Variants in PNMA8B observed in about 807,000 individuals in gnomAD.
PNMA8B encodes the protein PNMA family member 8B, also known as paraneoplastic antigen-like protein 8B.
For synonymous variants in PNMA8B, 386 were observed against 394.9 expected, an observed-to-expected ratio of 0.98 and a Z score of 0.27; for missense variants, 887 against 885.8, an observed-to-expected ratio of 1.00 and a Z score of -0.02.
Position 46,495,456 on chromosome 19 carries a change from T to C in PNMA8B, c.10A>G (p.Ser4Gly). The change falls in exon 1 of 1, where the codon AGC (serine) becomes GGC (glycine). Residue 4 changes from serine to glycine, a missense_variant. Ser to Gly is a moderately conservative substitution (Grantham distance 56). Transcript: ENST00000599531. ...CTCCGGCACCAGTCCTGCAAAAGGCTCATGGCCATGGTGCAGCCCCCTTGG... is the reference window on the plus strand; with the variant it reads ...CTCCGGCACCAGTCCTGCAAAAGGCCCATGGCCATGGTGCAGCCCCCTTGG... The part of the protein sequence containing the change: MAM[S>G]LLQDWCRSLD... The C allele has an allele frequency of 1.9e-6, 3 of 1,600,280 alleles. No homozygotes were observed. Among genetic ancestry groups the C allele is most frequent in the Non-Finnish European group, 2.6e-6 (3 of 1,169,620 alleles).
In PNMA8B at chr19:46,493,347, C is replaced by T. The variant is rs1474480969; in HGVS notation, c.*211G>A. Reference sequence around the variant, plus strand: ...GCCCACTTCTCTTTCCTCCTCCCATCCGGGCTTCCTCCGTCGGGATCGCTG... The same window carrying T: ...GCCCACTTCTCTTTCCTCCTCCCATTCGGGCTTCCTCCGTCGGGATCGCTG... On this transcript the variant is annotated 3_prime_UTR_variant, in exon 1 of 1. Coordinates refer to ENST00000599531, the MANE Select transcript of PNMA8B (RefSeq NM_020709.3). This position sits in a 1 kb window ranked among gnomAD's most constrained non-coding sequence, Gnocchi z 5.3. The T allele has an allele frequency of 6.7e-5, 27 of 401,626 alleles. No individual in the cohort carries two copies. In the East Asian group the frequency reaches 9.7e-4, roughly 14 times the overall value. The allele number at this position is 401,626 out of a possible 1,614,324, so 24.9% of individuals were successfully genotyped here. A position where few individuals can be genotyped will look rare whatever the true frequency, so the allele number is the denominator to read the frequency against.
chr19:46,493,412 G>T lies in PNMA8B; in HGVS notation c.*146C>A. The T allele has an allele frequency of 2.0e-6, 1 of 491,144 alleles. No homozygotes were observed. Among genetic ancestry groups the T allele is most frequent in the Non-Finnish European group, 3.2e-6 (1 of 309,760 alleles). 30.4% of individuals were successfully genotyped at this position (491,144 alleles called of 1,614,324 possible). Reference sequence around the variant, plus strand: ...CGAGGGCCCGAGAGGGGAACGTGACGCTGGCAAAACGCGGCCCGGGCGCGC... The same window carrying T: ...CGAGGGCCCGAGAGGGGAACGTGACTCTGGCAAAACGCGGCCCGGGCGCGC... On this transcript the variant is annotated 3_prime_UTR_variant, in exon 1 of 1. Transcript: ENST00000599531. The surrounding 1 kb of genome is among the most constrained non-coding windows in gnomAD (Gnocchi z 5.3).
Position 46,493,617 on chromosome 19 carries a change from T to C in PNMA8B, c.1849A>G (p.Lys617Glu), listed in dbSNP as rs1435128026. Residue 617 changes from lysine to glutamate, a missense_variant, in exon 1 of 1, where the codon AAG (lysine) becomes GAG (glutamate). By Grantham distance (56) the Lys-to-Glu change is moderately conservative (BLOSUM62 1). Transcript: ENST00000599531. The surrounding 1 kb of genome is among the most constrained non-coding windows in gnomAD (Gnocchi z 5.3). ...EAKGQAPTGS[K>E]AARGKKARRG... is the part of the protein sequence containing the mutation. ...CGGGCCTTCTTCCCGCGCGCGGCCT[T>C]GGATCCAGTGGGCGCCTGGCCCTTG... 10 of 1,518,688 alleles carry C rather than the reference T, an allele frequency of 6.6e-6. No individual in the cohort carries two copies. Among genetic ancestry groups the C allele is most frequent in the Non-Finnish European group, 8.7e-6 (10 of 1,145,220 alleles). 94.1% of individuals were successfully genotyped at this position (1,518,688 alleles called of 1,614,324 possible).
chr19:46,493,756 G>A lies in PNMA8B; in HGVS notation c.1710C>T (p.Gly570=). Residue 570 remains glycine, a synonymous_variant, in exon 1 of 1, where the codon GGC becomes GGT. Transcript: ENST00000599531. The surrounding 1 kb of genome is among the most constrained non-coding windows in gnomAD (Gnocchi z 5.3). ...TCCCGGCTTTCTTCTCGGGAGTGAC[G>A]CCCCGGCCTCGGCCTCGGCCGCCCG... ...TRAGGRGRGR[G]VTPEKKAGSR... The A allele has an allele frequency of 1.4e-6, 2 of 1,435,868 alleles. No individual in the cohort carries two copies. The highest frequency in any genetic ancestry group is 2.8e-5 in the South Asian group (2 of 70,668). 88.9% of individuals were successfully genotyped at this position (1,435,868 alleles called of 1,614,324 possible).
rs1186891072 is a variant in PNMA8B, at chr19:46,492,391, G to C, written c.*1167C>G. ...ACTCACATACAACTCAAGCGTGCTT[G>C]GGACAGCAGGTTGTGAAGCCTCACA... On this transcript the variant is annotated 3_prime_UTR_variant, in exon 1 of 1. Transcript: ENST00000599531. 5.0e-6 allele frequency: 1 copy of C among 201,860 alleles called. No individual in the cohort carries two copies. Among genetic ancestry groups the C allele is most frequent in the African/African-American group, 2.4e-5 (1 of 42,474 alleles). The allele number at this position is 201,860 out of a possible 1,614,324, so 12.5% of individuals were successfully genotyped here. A position where few individuals can be genotyped will look rare whatever the true frequency, so the allele number is the denominator to read the frequency against.
rs1471176076 is a variant in PNMA8B at position 46,495,299 on chromosome 19, G to A, written c.167C>T (p.Ala56Val). 7.1e-7 allele frequency: 1 copy of A among 1,409,926 alleles called. No homozygotes were observed. The highest frequency in any genetic ancestry group is 1.1e-5 in the South Asian group (1 of 87,178). 87.3% of individuals were successfully genotyped at this position (1,409,926 alleles called of 1,614,324 possible). ...GGCCTGGGCCTTCTCGTTCATCAAA[G>A]CCTTCATGTGTCGCAACCTGAACGT... is the stretch of plus-strand genomic sequence containing the variant. ...LGTFRLRHMK[A>V]LMNEKAQAAL... The change falls in exon 1 of 1, where the codon GCT (alanine) becomes GTT (valine). Residue 56 changes from alanine (A) to valine (V), a missense_variant. Coordinates refer to ENST00000599531, the MANE Select transcript of PNMA8B (RefSeq NM_020709.3).
rs1357507713 is a variant in PNMA8B at position 46,495,093 on chromosome 19, C to A, written c.373G>T (p.Gly125Trp). The change falls in exon 1 of 1, where the codon GGG (glycine) becomes TGG (tryptophan). Residue 125 changes from glycine to tryptophan, a missense_variant. By Grantham distance (184) the Gly-to-Trp change is radical (BLOSUM62 -2). Transcript: ENST00000599531. The part of the protein sequence containing the change: ...PTQAAEAGTP[G>W]EAPTPPASET... ...GAAGCGGGAGGGGTGGGTGCCTCCC[C>A]GGGGGTCCCAGCCTCCGCGGCCTGC... 1.2e-6 allele frequency: 2 copies of A among 1,612,958 alleles called. No individual in the cohort carries two copies. The highest frequency in any genetic ancestry group is 8.5e-7 in the Non-Finnish European group (1 of 1,179,802).
rs532823001 is a variant in PNMA8B at position 46,494,910 on chromosome 19, G to T, written c.556C>A (p.Pro186Thr). 4 of 1,611,646 alleles carry T rather than the reference G, an allele frequency of 2.5e-6. No individual in the cohort carries two copies. The Admixed American group carries it at 5.0e-5, about 20-fold the overall frequency. ...GCCTCACTCCTCGCGGGAGCAGACG[G>T]CCGTCCTCCTCGGCTTCTCTTCTTG... Reference protein sequence around the residue: ...KGKKRSRGGRPSAPARSEAED... With the variant: ...KGKKRSRGGRTSAPARSEAED... The change falls in exon 1 of 1, where the codon CCG becomes ACG. Residue 186 changes from proline to threonine, a missense_variant. Physicochemically the swap from Pro to Thr is conservative, Grantham distance 38. Coordinates refer to ENST00000599531, the MANE Select transcript of PNMA8B (RefSeq NM_020709.3).
At position 46,494,156 on chromosome 19, in the gene PNMA8B, C is replaced by T. The variant is rs1258100108; in HGVS notation, c.1310G>A (p.Gly437Asp). 1 of 1,610,678 alleles carries T rather than the reference C, an allele frequency of 6.2e-7. No homozygotes were observed. Among genetic ancestry groups the T allele is most frequent in the Non-Finnish European group, 8.5e-7 (1 of 1,179,866 alleles). ...TTCGTCCTCACGGTGCTCGCTCCAG[C>T]CCCCGAAGAGGCCACGCCCAGCCTT... ...AKKAGRGLFG[G>D]WSEHREDEGG... Residue 437 changes from glycine (G) to aspartate (D), a missense_variant, in exon 1 of 1, where the codon GGC (glycine) becomes GAC (aspartate). Transcript: ENST00000599531.
chr19:46,493,606 G>T lies in PNMA8B; in HGVS notation c.1860C>A (p.Arg620=). Reference sequence around the variant, plus strand: ...TCCGGCCCCGACGGGCCTTCTTCCCGCGCGCGGCCTTGGATCCAGTGGGCG... The same window carrying T: ...TCCGGCCCCGACGGGCCTTCTTCCCTCGCGCGGCCTTGGATCCAGTGGGCG... ...GQAPTGSKAA[R]GKKARRGRRL... The change falls in exon 1 of 1, where the codon CGC becomes CGA. Residue 620 remains arginine, a synonymous_variant. Coordinates refer to ENST00000599531, the MANE Select transcript of PNMA8B (RefSeq NM_020709.3). The surrounding 1 kb of genome is among the most constrained non-coding windows in gnomAD (Gnocchi z 5.3). 2 of 1,492,594 alleles carry T rather than the reference G, an allele frequency of 1.3e-6. No individual in the cohort carries two copies. The highest frequency in any genetic ancestry group is 2.3e-5 in the Admixed American group (1 of 43,010). The allele number at this position is 1,492,594 out of a possible 1,614,324, so 92.5% of individuals were successfully genotyped here.
At position 46,493,781 on chromosome 19, in the gene PNMA8B, G is replaced by A. The variant is rs748793703; in HGVS notation, c.1685C>T (p.Ala562Val). The A allele has an allele frequency of 2.8e-6, 3 of 1,055,104 alleles. No individual in the cohort carries two copies. Among genetic ancestry groups the A allele is most frequent in the South Asian group, 1.9e-5 (1 of 51,704 alleles). The allele number at this position is 1,055,104 out of a possible 1,614,324, so 65.4% of individuals were successfully genotyped here. Residue 562 changes from alanine to valine, a missense_variant, in exon 1 of 1, where the codon GCG becomes GTG. Ala to Val is a moderately conservative substitution (Grantham distance 64). Transcript: ENST00000599531. The surrounding 1 kb of genome is among the most constrained non-coding windows in gnomAD (Gnocchi z 5.3). ...GCCCCGGCCTCGGCCTCGGCCGCCC[G>A]CGCGGGTTTTGCGGGCCCCGGAAGC... ...PTASGARKTR[A>V]GGRGRGRGVT... is the part of the protein sequence containing the mutation.
Position 46,494,234 on chromosome 19 carries a change from AGGTCCC to A in PNMA8B, c.1226_1231del (p.Gly409_Leu411delinsVal). ...CGCCAAGGTGGAAATGCACTCCCGG[AGGTCCC>A]CGTCATCCCCGGCCTTGCGCAGGAC... On this transcript the variant is annotated inframe_deletion, in exon 1 of 1. Coordinates refer to ENST00000599531, the MANE Select transcript of PNMA8B (RefSeq NM_020709.3). 1 of 1,609,338 alleles carries A rather than the reference AGGTCCC, an allele frequency of 6.2e-7. No individual in the cohort carries two copies. Among genetic ancestry groups the A allele is most frequent in the Non-Finnish European group, 8.5e-7 (1 of 1,179,682 alleles).
chr19:46,494,204 G>A lies in PNMA8B; in HGVS notation c.1262C>T (p.Pro421Leu), dbSNP rs1186110167. ...CTTCTTCGCCTGGGGAGGGAGATCC[G>A]GCTGCGCCAAGGTGGAAATGCACTC... ...LRECISTLAQ[P>L]DLPPQAKKAG... The change falls in exon 1 of 1, where the codon CCG becomes CTG. Residue 421 changes from proline to leucine, a missense_variant. Pro to Leu is a moderately conservative substitution (Grantham distance 98). Coordinates refer to ENST00000599531, the MANE Select transcript of PNMA8B (RefSeq NM_020709.3). 1.2e-6 allele frequency: 2 copies of A among 1,609,202 alleles called. No homozygotes were observed. Among genetic ancestry groups the A allele is most frequent in the Non-Finnish European group, 1.7e-6 (2 of 1,179,802 alleles).
chr19:46,494,769 C>G lies in PNMA8B; in HGVS notation c.697G>C (p.Glu233Gln), dbSNP rs1243621711. 1 of 1,613,868 alleles carries G rather than the reference C, an allele frequency of 6.2e-7. No homozygotes were observed. The highest frequency in any genetic ancestry group is 2.2e-5 in the East Asian group (1 of 44,880). ...LYATLQAAAR[E>Q]LVRQWAPCNS... Reference sequence around the variant, plus strand: ...CAGGGCGCCCACTGCCTAACCAGCTCCCTGGCAGCGGCCTGCAGCGTGGCG... The same window carrying G: ...CAGGGCGCCCACTGCCTAACCAGCTGCCTGGCAGCGGCCTGCAGCGTGGCG... Residue 233 changes from glutamate to glutamine, a missense_variant, in exon 1 of 1, where the codon GAG (glutamate) becomes CAG (glutamine). By Grantham distance (29) the Glu-to-Gln change is conservative. Coordinates refer to ENST00000599531, the MANE Select transcript of PNMA8B (RefSeq NM_020709.3).
chr19:46,495,638 C>G lies in PNMA8B; in HGVS notation c.-173G>C. The G allele has an allele frequency of 1.3e-6, 1 of 793,666 alleles. No homozygotes were observed. The highest frequency in any genetic ancestry group is 2.0e-6 in the Non-Finnish European group (1 of 507,896). The allele number at this position is 793,666 out of a possible 1,614,324, so 49.2% of individuals were successfully genotyped here. ...CTCGGGGCTCGGGGGCTCTAGCTGC[C>G]TGCTGGCCGGCTGGACGCAGTGACC... On this transcript the variant is annotated 5_prime_UTR_variant, in exon 1 of 1. Transcript: ENST00000599531.
In PNMA8B at chr19:46,494,910, G is replaced by A. The variant is rs532823001; in HGVS notation, c.556C>T (p.Pro186Ser). 1 of 1,611,646 alleles carries A rather than the reference G, an allele frequency of 6.2e-7. No individual in the cohort carries two copies. The highest frequency in any genetic ancestry group is 8.5e-7 in the Non-Finnish European group (1 of 1,179,884). Residue 186 changes from proline to serine, a missense_variant, in exon 1 of 1, where the codon CCG (proline) becomes TCG (serine). By Grantham distance (74) the Pro-to-Ser change is moderately conservative. Transcript: ENST00000599531. Reference sequence around the variant, plus strand: ...GCCTCACTCCTCGCGGGAGCAGACGGCCGTCCTCCTCGGCTTCTCTTCTTG... The same window carrying A: ...GCCTCACTCCTCGCGGGAGCAGACGACCGTCCTCCTCGGCTTCTCTTCTTG... ...KGKKRSRGGR[P>S]SAPARSEAED... is the part of the protein sequence containing the mutation.
chr19:46,495,459 T>C lies in PNMA8B; in HGVS notation c.7A>G (p.Met3Val). Residue 3 changes from methionine (M) to valine (V), a missense_variant, in exon 1 of 1, where the codon ATG (methionine) becomes GTG (valine). Transcript: ENST00000599531. MA[M>V]SLLQDWCRSL... Reference sequence around the variant, plus strand: ...CGGCACCAGTCCTGCAAAAGGCTCATGGCCATGGTGCAGCCCCCTTGGCGC... The same window carrying C: ...CGGCACCAGTCCTGCAAAAGGCTCACGGCCATGGTGCAGCCCCCTTGGCGC... 1 of 1,599,548 alleles carries C rather than the reference T, an allele frequency of 6.3e-7. No homozygotes were observed. Among genetic ancestry groups the C allele is most frequent in the Non-Finnish European group, 8.6e-7 (1 of 1,169,204 alleles).
chr19:46,493,523 C>T lies in PNMA8B; in HGVS notation c.*35G>A. On this transcript the variant is annotated 3_prime_UTR_variant, in exon 1 of 1. Coordinates refer to ENST00000599531, the MANE Select transcript of PNMA8B (RefSeq NM_020709.3). The surrounding 1 kb of genome is among the most constrained non-coding windows in gnomAD (Gnocchi z 5.3). ...ACAGGCGGGCGGGTGCCCTGCGGGG[C>T]CTGCTCGCAGCCTGGGCGGCTTCTT... 2.3e-6 allele frequency: 3 copies of T among 1,300,968 alleles called. No homozygotes were observed. Among genetic ancestry groups the T allele is most frequent in the Non-Finnish European group, 2.0e-6 (2 of 1,022,534 alleles). 80.6% of individuals were successfully genotyped at this position (1,300,968 alleles called of 1,614,324 possible).
At position 46,492,241 on chromosome 19, in the gene PNMA8B, C is replaced by A. The variant is rs1046354431; in HGVS notation, c.*1317G>T. 1 of 371,344 alleles carries A rather than the reference C, an allele frequency of 2.7e-6. No individual in the cohort carries two copies. The highest frequency in any genetic ancestry group is 2.1e-5 in the African/African-American group (1 of 48,166). 23.0% of individuals were successfully genotyped at this position (371,344 alleles called of 1,614,324 possible). On this transcript the variant is annotated 3_prime_UTR_variant, in exon 1 of 1. Coordinates refer to ENST00000599531, the MANE Select transcript of PNMA8B (RefSeq NM_020709.3). ...GAATGGAAATTGGGACGAGGAAGCA[C>A]ACACATTGCCCCAGGGACAAGAAGG...
Sources: gnomAD v4.1 joint callset for allele counts on GRCh38, gnomAD v4.1.1 for gene constraint, Gnocchi (gnomAD v3.1) non-coding constraint, MANE v1.5 for transcripts, NCBI Gene and HGNC (gene_info 2026-07-23, HGNC 2026-07-21) for gene names.